Variants in PMFBP1 observed in about 807,000 individuals in gnomAD.
The protein encoded by PMFBP1 is polyamine-modulated factor 1-binding protein 1.
Under a neutral mutation model 137.8 loss-of-function variants are expected in PMFBP1, and 131 were observed. That is an observed-to-expected ratio of 0.95 (90% confidence interval 0.82 to 1.10). PMFBP1 has a LOEUF of 1.10. PMFBP1 is among the 50% of genes least tolerant of loss of function. PMFBP1 has a pLI of 0.00. For missense variants in PMFBP1, 1,199 were observed against 1,175.4 expected (o/e 1.02, Z -0.29); for synonymous variants, 490 against 450.4 (o/e 1.09, Z -1.11).
chr16:72,218,116 T>C, the PMFBP1 span, among the ~76,000 whole-genome samples: 3 of 152,194 alleles, frequency 2.0e-5, no homozygotes, highest in African/African-American at 7.2e-5. Flanking sequence ...TACAGAATCT[T>C]ATTTGAATCA....
At chr16:72,196,458 C>G in the PMFBP1 span, among the ~76,000 whole-genome samples, 3 of 152,160 alleles carry the variant, frequency 2.0e-5, no homozygotes, top group South Asian at 4.1e-4. Flanking sequence ...AGTTAGCAAT[C>G]AGTAAACATA....
chr16:72,118,884 G>A (rs995069388), downstream of PMFBP1, among the ~76,000 whole-genome samples: 1 of 151,870 alleles, frequency 6.6e-6, no homozygotes, highest in African/African-American at 2.4e-5. Flanking sequence ...CTCTTTTTAA[G>A]TTTCAGATAG....
intron 3 of PMFBP1, among the ~76,000 whole-genome samples, chr16:72,158,268 C>T (rs1320990800): frequency 6.6e-6 from 1 of 152,164 alleles, no homozygotes; most frequent in African/African-American, 2.4e-5. Context: ...GTGTATGTGG[C>T]TGGAGGAAAG....
At chr16:72,214,669 A>G in the PMFBP1 span, among the ~76,000 whole-genome samples, 6 of 152,346 alleles carry the variant, frequency 3.9e-5, no homozygotes, top group South Asian at 1.2e-3. Flanking sequence ...CACATTCACA[A>G]TACAGAGCAT....
the PMFBP1 span, among the ~76,000 whole-genome samples, chr16:72,189,645 T>G: frequency 6.6e-6 from 1 of 152,246 alleles, no homozygotes. Flanking sequence ...GCCATTCTTT[T>G]GGAGATTAGG....
intron 5 of PMFBP1, among the ~76,000 whole-genome samples, chr16:72,144,297 A>G (rs7186155): frequency 0.61 from 92,483 of 151,892 alleles, 29,227 homozygotes; most frequent in African/African-American, 0.77. Flanking sequence ...TTCATTAAGA[A>G]AAGAAATAAA....
intron 5 of PMFBP1, 30 bp downstream of exon 5, chr16:72,150,578 C>A: frequency 6.2e-7 from 1 of 1,603,948 alleles, no homozygotes; most frequent in Non-Finnish European, 8.5e-7. Context: ...ATCCACTTGC[C>A]TGGATTGAAT....
intron 17 of PMFBP1, among the ~76,000 whole-genome samples, chr16:72,124,266 C>T (rs1399158891): frequency 6.6e-6 from 1 of 152,234 alleles, no homozygotes; most frequent in Non-Finnish European, 1.5e-5. Context: ...CTGCCTTGGC[C>T]TCCCAAAGTG....
upstream of PMFBP1, among the ~76,000 whole-genome samples, chr16:72,180,912 G>T (rs1046351900): frequency 6.6e-6 from 1 of 152,152 alleles, no homozygotes; most frequent in African/African-American, 2.4e-5. Flanking sequence ...AAAGATTCCT[G>T]TGCACTGCAG....
chr16:72,153,737 A>G (rs559038632), intron 4 of PMFBP1, among the ~76,000 whole-genome samples: 1 of 146,928 alleles, frequency 6.8e-6, no homozygotes, highest in South Asian at 2.2e-4. Flanking sequence ...TCAATGATTG[A>G]CTCCCACTCA....
the PMFBP1 span, among the ~76,000 whole-genome samples, chr16:72,194,554 A>T: frequency 6.6e-6 from 1 of 152,182 alleles, no homozygotes; most frequent in Non-Finnish European, 1.5e-5. Flanking sequence ...GATTTCTGAA[A>T]ATCTTTGAGC....
the PMFBP1 span, among the ~76,000 whole-genome samples, chr16:72,219,757 G>A: frequency 6.6e-6 from 1 of 152,200 alleles, no homozygotes; most frequent in Non-Finnish European, 1.5e-5. Context: ...TGAGGGCAGA[G>A]AGCCTTCACA....
At chr16:72,214,937 AT>A in the PMFBP1 span, among the ~76,000 whole-genome samples, 1 of 152,212 alleles carries the variant, frequency 6.6e-6, no homozygotes, top group Non-Finnish European at 1.5e-5. Flanking sequence ...CCCAATATAC[AT>A]TGAAAAAAAT....
chr16:72,208,242 T>A, the PMFBP1 span, among the ~76,000 whole-genome samples: 1 of 152,170 alleles, frequency 6.6e-6, no homozygotes, highest in Non-Finnish European at 1.5e-5. Flanking sequence ...CACAGTGCCA[T>A]GAAGTTAGCT....
At chr16:72,236,750 T>C in the PMFBP1 span, among the ~76,000 whole-genome samples, 1 of 152,188 alleles carries the variant, frequency 6.6e-6, no homozygotes, top group East Asian at 1.9e-4. Context: ...CACATTTCAC[T>C]GGCAAAAGAA....
the PMFBP1 span, among the ~76,000 whole-genome samples, chr16:72,190,477 C>A: frequency 6.6e-6 from 1 of 152,128 alleles, no homozygotes; most frequent in Non-Finnish European, 1.5e-5. Flanking sequence ...TGCAGTTACA[C>A]TTACTGATGA....
intron 19 of PMFBP1, 42 bp from the exon 20 acceptor site, chr16:72,120,131 G>A (rs1194918415): frequency 1.2e-6 from 2 of 1,613,550 alleles, no homozygotes; most frequent in Non-Finnish European, 1.7e-6. Context: ...TGGGGCTGCT[G>A]GCTCTGGTTG....
chr16:72,162,807 C>G (rs951202177), intron 3 of PMFBP1, among the ~76,000 whole-genome samples: 3 of 152,218 alleles, frequency 2.0e-5, no homozygotes, highest in Non-Finnish European at 4.4e-5. Flanking sequence ...CTTTCCCTGA[C>G]TGGGGGAATA....
chr16:72,182,633 C>A, the PMFBP1 span, among the ~76,000 whole-genome samples: 1 of 152,066 alleles, frequency 6.6e-6, no homozygotes, highest in African/African-American at 2.4e-5. Flanking sequence ...GTGCTGAGAA[C>A]CCAGTATGCA....
Sources: gnomAD v4.1 joint callset for allele counts (sites outside exome capture counted in the v4.1 genomes callset) on GRCh38, gnomAD v4.1.1 for gene constraint, MANE v1.5 for transcripts, NCBI Gene and HGNC (gene_info 2026-07-23, HGNC 2026-07-21) for gene names.